MECOM: variants seen among roughly 807,000 people sequenced by gnomAD.
MECOM encodes the protein MDS1 and EVI1 complex locus.
Under a neutral mutation model 116.3 loss-of-function variants are expected in MECOM, and 13 were observed. The observed-to-expected ratio is 0.11, with a 90% CI of 0.07 to 0.18. The LOEUF is 0.18. Ranked by LOEUF, MECOM falls within the 10% of genes least tolerant of loss-of-function variation. MECOM has a pLI of 1.00. For missense variants in MECOM, 1,299 were observed against 1,509.0 expected (o/e 0.86, Z 2.31); for synonymous variants, 528 against 535.2 (o/e 0.99, Z 0.19).
At chr3:169,236,171 G>C (rs1754045335) in intron 2 of MECOM, among the ~76,000 whole-genome samples, 1 of 152,134 alleles carries the variant, frequency 6.6e-6, no homozygotes, top group Non-Finnish European at 1.5e-5. Context: ...GTTAGGCTAA[G>C]CTAGGATATT....
intron 1 of MECOM, among the ~76,000 whole-genome samples, chr3:169,662,564 T>G (rs1776432703): frequency 6.6e-6 from 1 of 151,950 alleles, no homozygotes; most frequent in African/African-American, 2.4e-5. Flanking sequence ...AGCTCTGCTC[T>G]GCCCGTGCCC....
intron 2 of MECOM, among the ~76,000 whole-genome samples, chr3:169,219,609 T>C (rs1751861689): frequency 6.6e-6 from 1 of 152,172 alleles, no homozygotes; most frequent in Non-Finnish European, 1.5e-5. Flanking sequence ...GGATGCTATA[T>C]ATACACCACT....
At chr3:169,201,064 TC>T (rs370329023) in intron 2 of MECOM, among the ~76,000 whole-genome samples, 3 of 152,272 alleles carry the variant, frequency 2.0e-5, no homozygotes, top group African/African-American at 7.2e-5. Flanking sequence ...AATATGTACA[TC>T]TGCTCAATGT....
intron 1 of MECOM, among the ~76,000 whole-genome samples, chr3:169,555,843 C>T (rs115142447): frequency 1.3e-5 from 2 of 152,206 alleles, no homozygotes; most frequent in Non-Finnish European, 2.9e-5. Flanking sequence ...CAACACGCAG[C>T]CTGTGTCTTC....
At chr3:169,645,299 A>AT (rs11336994) in intron 1 of MECOM, among the ~76,000 whole-genome samples, 32 of 151,118 alleles carry the variant, frequency 2.1e-4, no homozygotes, top group South Asian at 4.2e-4. Context: ...AGACAGATGT[A>AT]TTTTTTTTTT....
At chr3:169,190,003 G>A (rs1747305868) in intron 2 of MECOM, among the ~76,000 whole-genome samples, 1 of 152,070 alleles carries the variant, frequency 6.6e-6, no homozygotes, top group Admixed American at 6.6e-5. Flanking sequence ...CAATTTGGCA[G>A]TTGTAGCAGA....
At chr3:169,660,320 A>T (rs1403543284) in intron 1 of MECOM, among the ~76,000 whole-genome samples, 1 of 152,024 alleles carries the variant, frequency 6.6e-6, no homozygotes, top group Non-Finnish European at 1.5e-5. Flanking sequence ...TTTTATTTTT[A>T]ATTAAATTTT....
intron 2 of MECOM, among the ~76,000 whole-genome samples, chr3:169,155,995 A>C (rs1038622829): frequency 3.3e-5 from 5 of 152,164 alleles, no homozygotes; most frequent in Non-Finnish European, 7.4e-5. Context: ...TTATTCTTAA[A>C]ATAGTTTGGG....
At chr3:169,458,533 C>A (rs1455800831) in intron 1 of MECOM, among the ~76,000 whole-genome samples, 1 of 152,212 alleles carries the variant, frequency 6.6e-6, no homozygotes, top group Admixed American at 6.5e-5. Flanking sequence ...TATCTGCAAG[C>A]CTTTTGGCCT....
At chr3:169,278,013 T>C (rs1759826686) in intron 2 of MECOM, among the ~76,000 whole-genome samples, 1 of 152,228 alleles carries the variant, frequency 6.6e-6, no homozygotes, top group Admixed American at 6.5e-5. Flanking sequence ...AATAAAACAG[T>C]TGCTATATTT....
intron 1 of MECOM, among the ~76,000 whole-genome samples, chr3:169,613,098 C>A (rs571861211): frequency 2.2e-4 from 34 of 152,242 alleles, no homozygotes; most frequent in African/African-American, 7.7e-4. Context: ...TTTTTCCTTA[C>A]CATTGATTTC....
intron 1 of MECOM, among the ~76,000 whole-genome samples, chr3:169,411,777 GGCC>G (rs1233941172): frequency 2.0e-5 from 3 of 152,302 alleles, no homozygotes; most frequent in African/African-American, 7.2e-5. Context: ...GATCTTTTGA[GGCC>G]AGGAGTTCCA....
chr3:169,644,236 G>GTTTA (rs10522068), intron 1 of MECOM, among the ~76,000 whole-genome samples: 6,762 of 148,080 alleles, frequency 0.046, 188 homozygotes, highest in African/African-American at 0.074. Context: ...TTATTTATTT[G>GTTTA]TTTATTTATT....
chr3:169,431,092 G>T (rs1385731025), intron 1 of MECOM, among the ~76,000 whole-genome samples: 3 of 152,150 alleles, frequency 2.0e-5, no homozygotes, highest in Admixed American at 1.3e-4. Flanking sequence ...TCCAGCAAAT[G>T]TCCTATAAAG....
chr3:169,123,873 A>G (rs982133401), intron 5 of MECOM, among the ~76,000 whole-genome samples: 4 of 152,052 alleles, frequency 2.6e-5, no homozygotes, highest in Non-Finnish European at 5.9e-5. Flanking sequence ...TCAAAACACA[A>G]ACAGAACCCC....
chr3:169,112,083 C>A (rs1340894705), intron 9 of MECOM, among the ~76,000 whole-genome samples: 1 of 152,036 alleles, frequency 6.6e-6, no homozygotes, highest in Admixed American at 6.6e-5. Context: ...TGTTTATATA[C>A]CGTATTTGTT....
chr3:169,284,424 A>T (rs1288708406), intron 2 of MECOM, among the ~76,000 whole-genome samples: 3 of 152,128 alleles, frequency 2.0e-5, no homozygotes, highest in Non-Finnish European at 4.4e-5. Context: ...GAGGGTCTCC[A>T]AAGTTCCAAA....
At chr3:169,276,781 AC>A (rs1308745042) in intron 2 of MECOM, among the ~76,000 whole-genome samples, 1 of 152,202 alleles carries the variant, frequency 6.6e-6, no homozygotes, top group East Asian at 1.9e-4. Flanking sequence ...CAATGTAATC[AC>A]CTTAAATATC....
At position 169,122,595 on chromosome 3, in the gene MECOM, A is replaced by G. The variant is rs763089620; in HGVS notation, c.963T>C (p.Cys321=). Residue 321 remains cysteine, a synonymous_variant, in exon 6 of 17, where the codon TGT becomes TGC. Coordinates refer to ENST00000651503, the MANE Select transcript of MECOM (RefSeq NM_004991.4). The part of the protein sequence containing the change: ...MSHDSGKHYE[C]ENCAKVFTDP... ...TTCACTGTACCTTGGCACAGTTTTCACATTCATAGTGCTTTCCACTGTCAT... is the reference window on the plus strand; with the variant it reads ...TTCACTGTACCTTGGCACAGTTTTCGCATTCATAGTGCTTTCCACTGTCAT... 6.2e-7 allele frequency: 1 copy of G among 1,614,062 alleles called. No individual in the cohort carries two copies. Among genetic ancestry groups the G allele is most frequent in the Admixed American group, 1.7e-5 (1 of 60,030 alleles).
Sources: allele counts gnomAD v4.1 joint callset (sites outside exome capture counted in the v4.1 genomes callset), GRCh38; gene constraint gnomAD v4.1.1; transcripts MANE v1.5; gene names NCBI Gene and HGNC (gene_info 2026-07-23, HGNC 2026-07-21).